HIGD1C: variants seen among roughly 807,000 people sequenced by gnomAD.
HIGD1C encodes HIG1 hypoxia inducible domain family member 1C.
HIGD1C carries 11 observed loss-of-function variants against 13.1 expected under a neutral mutation model. That is an observed-to-expected ratio of 0.84 (90% CI 0.53 to 1.39). HIGD1C has a LOEUF of 1.39. Ranked by LOEUF, HIGD1C falls within the 40% of genes most tolerant of loss-of-function variation. HIGD1C has a pLI of 0.00. For synonymous variants in HIGD1C, 36 were observed against 37.7 expected, an observed-to-expected ratio of 0.95 and a Z score of 0.17; for missense variants, 110 against 112.0, an observed-to-expected ratio of 0.98 and a Z score of 0.08.
At chr12:50,941,848 C>A in the HIGD1C span, among the ~76,000 whole-genome samples, 1 of 152,120 alleles carries the variant, frequency 6.6e-6, no homozygotes, top group Non-Finnish European at 1.5e-5. Flanking sequence ...CAGAGTAAAT[C>A]AATTCATTAA....
At chr12:50,933,174 A>G in the HIGD1C span, among the ~76,000 whole-genome samples, 4 of 152,222 alleles carry the variant, frequency 2.6e-5, no homozygotes, top group Admixed American at 2.0e-4. Flanking sequence ...GTTACTGAGC[A>G]AGTCTTAGAA....
At chr12:50,968,636 G>C (rs957446727) in intron 2 of HIGD1C, among the ~76,000 whole-genome samples, 10 of 152,062 alleles carry the variant, frequency 6.6e-5, no homozygotes, top group African/African-American at 2.4e-4. Flanking sequence ...CCACCTCCCA[G>C]GTTCAAGTGA....
At chr12:50,955,058 G>A (rs11169628) in intron 1 of HIGD1C, among the ~76,000 whole-genome samples, 2,033 of 152,214 alleles carry the variant, frequency 0.013, 48 homozygotes, top group African/African-American at 0.045. Context: ...TTGAGAGGCC[G>A]AGGCAGGTGG....
At chr12:50,952,699 G>T (rs968241227), upstream of HIGD1C, among the ~76,000 whole-genome samples, 1 of 152,138 alleles carries the variant, frequency 6.6e-6, no homozygotes, top group Non-Finnish European at 1.5e-5. Flanking sequence ...GCGCACCTGC[G>T]ATGGCCTTAC....
At chr12:50,950,570 T>C (rs549455165), upstream of HIGD1C, among the ~76,000 whole-genome samples, 7 of 152,186 alleles carry the variant, frequency 4.6e-5, 1 homozygote, top group Admixed American at 2.0e-4. Context: ...TGGCGCAATC[T>C]TGGCTCGTTG....
chr12:50,957,136 C>T (rs1939125509), intron 1 of HIGD1C, among the ~76,000 whole-genome samples: 1 of 152,034 alleles, frequency 6.6e-6, no homozygotes, highest in African/African-American at 2.4e-5. Context: ...TAAATATATC[C>T]TTACCCACCC....
At chr12:50,959,681 T>G (rs1249979815) in intron 1 of HIGD1C, among the ~76,000 whole-genome samples, 1 of 152,172 alleles carries the variant, frequency 6.6e-6, no homozygotes, top group Non-Finnish European at 1.5e-5. Context: ...AAAGTCTTGC[T>G]CTGTCACCCA....
chr12:50,957,116 C>G (rs1387524962), intron 1 of HIGD1C, among the ~76,000 whole-genome samples: 1 of 151,810 alleles, frequency 6.6e-6, no homozygotes, highest in Non-Finnish European at 1.5e-5. Flanking sequence ...TTAAATGGAT[C>G]ATGAAAGAAT....
chr12:50,938,278 C>T, the HIGD1C span, among the ~76,000 whole-genome samples: 3 of 150,568 alleles, frequency 2.0e-5, no homozygotes, highest in African/African-American at 7.3e-5. Flanking sequence ...AGGAGGCTGG[C>T]GTGTCAGCAC....
At chr12:50,952,129 T>C (rs951941049), upstream of HIGD1C, among the ~76,000 whole-genome samples, 2 of 151,062 alleles carry the variant, frequency 1.3e-5, no homozygotes, top group Non-Finnish European at 2.9e-5. Flanking sequence ...ATAAAATCTT[T>C]AGATTGAAAA....
chr12:50,957,937 G>GGGGTGTGTGT (rs1464920302), intron 1 of HIGD1C, among the ~76,000 whole-genome samples: 3 of 132,408 alleles, frequency 2.3e-5, no homozygotes, highest in Admixed American at 7.7e-5. Flanking sequence ...ATGAATTGGA[G>GGGGTGTGTGT]GTGTGTGTGT....
At chr12:50,957,925 T>A (rs1296890717) in intron 1 of HIGD1C, among the ~76,000 whole-genome samples, 2 of 142,942 alleles carry the variant, frequency 1.4e-5, no homozygotes, top group Non-Finnish European at 3.0e-5. Context: ...ACTACTGTAT[T>A]CATGAATTGG....
intron 1 of HIGD1C, among the ~76,000 whole-genome samples, chr12:50,954,866 A>C (rs564369852): frequency 2.6e-5 from 4 of 152,326 alleles, no homozygotes; most frequent in Admixed American, 6.5e-5. Flanking sequence ...AAAAGCCTGG[A>C]TCTATCTGAA....
chr12:50,945,999 A>G, the HIGD1C span, among the ~76,000 whole-genome samples: 1 of 152,216 alleles, frequency 6.6e-6, no homozygotes, highest in African/African-American at 2.4e-5. Context: ...CCTATTTAAT[A>G]AATGGTGCTG....
At chr12:50,932,100 G>C in the HIGD1C span, 4 of 152,092 alleles carry the variant, frequency 2.6e-5, no homozygotes, top group Admixed American at 2.6e-4. Context: ...GGTGGTTAAG[G>C]TTCTTGGGTT....
At chr12:50,951,578 G>A (rs1174268726), upstream of HIGD1C, among the ~76,000 whole-genome samples, 2 of 152,014 alleles carry the variant, frequency 1.3e-5, no homozygotes, top group Non-Finnish European at 2.9e-5. Context: ...GGGAGGGGAC[G>A]GGAACACAGG....
upstream of HIGD1C, among the ~76,000 whole-genome samples, chr12:50,951,524 G>A (rs756177210): frequency 4.6e-5 from 7 of 152,110 alleles, no homozygotes; most frequent in Non-Finnish European, 8.8e-5. Context: ...GTCATATTCT[G>A]CCCAAAATGT....
chr12:50,968,209 G>A (rs1223182908), intron 2 of HIGD1C, among the ~76,000 whole-genome samples: 2 of 152,170 alleles, frequency 1.3e-5, no homozygotes, highest in South Asian at 2.1e-4. Context: ...CAGTTTATGC[G>A]AAGCTGTTGC....
intron 1 of HIGD1C, among the ~76,000 whole-genome samples, chr12:50,959,708 C>T (rs1418174948): frequency 6.6e-6 from 1 of 151,906 alleles, no homozygotes; most frequent in Non-Finnish European, 1.5e-5. Flanking sequence ...AGTGCAGTAG[C>T]ATTATCTCAG....
Sources: allele counts gnomAD v4.1 joint callset (sites outside exome capture counted in the v4.1 genomes callset), GRCh38; gene constraint gnomAD v4.1.1; transcripts MANE v1.5; gene names NCBI Gene and HGNC (gene_info 2026-07-23, HGNC 2026-07-21).